Variants in EXOC5 observed in about 807,000 individuals in gnomAD.
The protein encoded by EXOC5 is SEC10-like 1.
A neutral mutation model predicts 90.8 loss-of-function variants in EXOC5; 17 were observed. The observed-to-expected ratio is 0.19, with a 90% CI of 0.13 to 0.28. The LOEUF (loss-of-function observed/expected upper bound fraction) is 0.28, where lower values mean the gene tolerates loss of function less well. Ranked by LOEUF, EXOC5 falls within the 10% of genes least tolerant of loss-of-function variation. The pLI is 1.00. For synonymous variants in EXOC5, 260 were observed against 270.0 expected (o/e 0.96, Z 0.36); for missense variants, 569 against 830.6 (o/e 0.69, Z 3.87).
intron 5 of EXOC5, among the ~76,000 whole-genome samples, chr14:57,238,369 T>TACACACACAC (rs1296416335): frequency 1.0e-5 from 1 of 99,344 alleles, no homozygotes. Context: ...TATATATATA[T>TACACACACAC]ATATATACAC....
At chr14:57,242,242 A>G (rs1310258565) in intron 4 of EXOC5, among the ~76,000 whole-genome samples, 5 of 151,662 alleles carry the variant, frequency 3.3e-5, no homozygotes, top group African/African-American at 1.2e-4. Flanking sequence ...TTTTCAGAAT[A>G]TGAGAAGATT....
In EXOC5 at chr14:57,239,626, G is replaced by T; in HGVS notation, c.499C>A (p.His167Asn). The change falls in exon 5 of 18, where the codon CAC becomes AAC. Residue 167 changes from histidine (H) to asparagine (N), a missense_variant. Physicochemically the swap from His to Asn is moderately conservative, Grantham distance 68. Coordinates refer to ENST00000621441, the MANE Select transcript of EXOC5 (RefSeq NM_006544.4). ...KEAADIIQKL[H>N]LIAQELPFDR... is the part of the protein sequence containing the mutation. ...AAAGGTAACTCTTGGGCAATTAGGT[G>T]CAACTTCTGAATGATGTCTGCTGCT... is the stretch of plus-strand genomic sequence containing the variant. 6.5e-7 allele frequency: 1 copy of T among 1,543,810 alleles called. No individual in the cohort carries two copies. The highest frequency in any genetic ancestry group is 8.7e-7 in the Non-Finnish European group (1 of 1,143,288).
chr14:57,237,300 A>G (rs1883691611), intron 6 of EXOC5, 38 bp downstream of exon 6: 1 of 1,089,964 alleles, frequency 9.2e-7, no homozygotes. Context: ...TAGTTTTTTT[A>G]CTTATTAAAA....
chr14:57,231,467 T>C (rs760137075), intron 11 of EXOC5, 39 bp downstream of exon 11: 6 of 1,354,878 alleles, frequency 4.4e-6, no homozygotes, highest in South Asian at 1.3e-5. Context: ...GTTATTAATG[T>C]CTTCAGTTTT....
In EXOC5 at chr14:57,203,343, A is replaced by AT. The variant is rs764023312; in HGVS notation, c.*5265dup. On this transcript the variant is annotated 3_prime_UTR_variant, in exon 18 of 18. Transcript: ENST00000621441. ...TGGCCTCACTTAGAGGCACCTGCCA[A>AT]TTTAAGATTACAGGGGCATCAGGAA... 5 of 152,226 alleles carry AT rather than the reference A, an allele frequency of 3.3e-5. No individual in the cohort carries two copies. The highest frequency in any genetic ancestry group is 7.3e-5 in the Non-Finnish European group (5 of 68,048). The allele number at this position is 152,226 out of a possible 1,614,324, so 9.4% of individuals were successfully genotyped here. A position where few individuals can be genotyped will look rare whatever the true frequency, so the allele number is the denominator to read the frequency against.
intron 15 of EXOC5, 89 bp from the exon 16 acceptor site, chr14:57,210,150 GTTAT>G: frequency 1.6e-6 from 1 of 617,636 alleles, no homozygotes; most frequent in Non-Finnish European, 2.8e-6. Context: ...AATTAAATCA[GTTAT>G]TTAATTTCCT....
intron 9 of EXOC5, chr14:57,233,325 T>A (rs552299013): frequency 6.4e-6 from 1 of 155,892 alleles, no homozygotes; most frequent in Admixed American, 6.5e-5. Flanking sequence ...TACAGTGATA[T>A]GGGGGTAAAT....
chr14:57,242,179 T>C (rs557648836), intron 4 of EXOC5, among the ~76,000 whole-genome samples: 37 of 151,112 alleles, frequency 2.4e-4, no homozygotes, highest in African/African-American at 7.8e-4. Context: ...AACCAACATA[T>C]GTGTAAGGAC....
At chr14:57,237,392 G>T (rs908979140) in intron 5 of EXOC5, 26 bp from the exon 6 acceptor site, 41 of 1,507,704 alleles carry the variant, frequency 2.7e-5, no homozygotes, top group African/African-American at 4.2e-5. Context: ...CAACCATGAG[G>T]TTTGTTAGTT....
At position 57,201,925 on chromosome 14, in the gene EXOC5, A is replaced by G. The variant is rs1022588160; in HGVS notation, c.*6684T>C. 6.6e-6 allele frequency: 1 copy of G among 152,036 alleles called. No homozygotes were observed. Among genetic ancestry groups the G allele is most frequent in the Non-Finnish European group, 1.5e-5 (1 of 68,014 alleles). 9.4% of individuals were successfully genotyped at this position (152,036 alleles called of 1,614,324 possible). ...GGGGGACCTATATATGTCTGTATCT[A>G]TTAATATATATCTACCTCCAAAATA... is the stretch of plus-strand genomic sequence containing the variant. On this transcript the variant is annotated 3_prime_UTR_variant, in exon 18 of 18. Transcript: ENST00000621441.
chr14:57,242,198 A>G (rs2139649363), intron 4 of EXOC5, among the ~76,000 whole-genome samples: 1 of 142,236 alleles, frequency 7.0e-6, no homozygotes, highest in South Asian at 2.1e-4. Flanking sequence ...ACAGAGGTAA[A>G]CACATAATAG....
chr14:57,206,490 G>A lies in EXOC5; in HGVS notation c.*2119C>T, dbSNP rs1449776992. The A allele has an allele frequency of 6.6e-6, 1 of 151,212 alleles. No homozygotes were observed. 9.4% of individuals were successfully genotyped at this position (151,212 alleles called of 1,614,324 possible). On this transcript the variant is annotated 3_prime_UTR_variant, in exon 18 of 18. Coordinates refer to ENST00000621441, the MANE Select transcript of EXOC5 (RefSeq NM_006544.4). Reference sequence around the variant, plus strand: ...AAAAGAAAATGAGAAGACCTGTGCTGTGAAAAATTTTAAAAATCTCAAATT... The same window carrying A: ...AAAAGAAAATGAGAAGACCTGTGCTATGAAAAATTTTAAAAATCTCAAATT...
At chr14:57,257,705 T>C (rs1884392364) in intron 1 of EXOC5, among the ~76,000 whole-genome samples, 1 of 151,966 alleles carries the variant, frequency 6.6e-6, no homozygotes, top group South Asian at 2.1e-4. Context: ...AATAAAAATT[T>C]AAAAATTCTG....
intron 1 of EXOC5, among the ~76,000 whole-genome samples, chr14:57,256,697 T>G (rs1161475077): frequency 6.6e-6 from 1 of 152,196 alleles, no homozygotes; most frequent in African/African-American, 2.4e-5. Flanking sequence ...CATGGGCAGA[T>G]TTTCAGGGAC....
intron 1 of EXOC5, among the ~76,000 whole-genome samples, chr14:57,264,766 CCTTT>C (rs1884620941): frequency 6.6e-6 from 1 of 152,194 alleles, no homozygotes; most frequent in Admixed American, 6.5e-5. Flanking sequence ...ACCTTCTAAT[CCTTT>C]CTTTCTTCTA....
rs534381060 is a variant in EXOC5, at chr14:57,253,711, A to ATT, written c.28-6001_28-6000dup. Among the ~76,000 whole-genome samples the ATT allele has an allele frequency of 7.7e-3, 1,172 of 152,332 alleles. 4 individuals are homozygous for ATT. Among genetic ancestry groups the ATT allele is most frequent in the Non-Finnish European group, 0.014 (981 of 68,010 alleles). ...AAGCCTAGAAAAAAAACCCTCACAT[A>ATT]TTTGGTCAAACAATTTTTGACAAGG... On this transcript the variant is annotated intron_variant, in intron 1 of 17. Transcript: ENST00000621441.
chr14:57,263,533 C>A (rs952590603), intron 1 of EXOC5, among the ~76,000 whole-genome samples: 1 of 151,440 alleles, frequency 6.6e-6, no homozygotes, highest in South Asian at 2.1e-4. Flanking sequence ...TTTGGGAGGC[C>A]GAGGCAGGTC....
At chr14:57,261,690 A>G (rs540893663) in intron 1 of EXOC5, among the ~76,000 whole-genome samples, 440 of 152,362 alleles carry the variant, frequency 2.9e-3, no homozygotes, top group Non-Finnish European at 3.6e-3. Context: ...TCTCTGCTCC[A>G]CATGAAATAA....
chr14:57,255,701 G>A (rs948020219), intron 1 of EXOC5, among the ~76,000 whole-genome samples: 1 of 152,010 alleles, frequency 6.6e-6, no homozygotes, highest in Non-Finnish European at 1.5e-5. Flanking sequence ...GGTTGGTGGT[G>A]GGCACCTGTA....
Sources: gnomAD v4.1 joint callset for allele counts (sites outside exome capture counted in the v4.1 genomes callset) on GRCh38, gnomAD v4.1.1 for gene constraint, MANE v1.5 for transcripts, NCBI Gene and HGNC (gene_info 2026-07-23, HGNC 2026-07-21) for gene names.